Variants in BCAT2 observed in about 807,000 individuals in gnomAD.
BCAT2 encodes the protein branched chain amino acid transaminase 2.
In BCAT2, 44 loss-of-function variants were observed where a neutral mutation model predicts 52.9. The ratio of observed to expected loss-of-function variants is 0.83; its 90% CI spans 0.65 to 1.07. BCAT2 has a LOEUF of 1.07. Ranked by LOEUF, BCAT2 falls within the 50% of genes least tolerant of loss-of-function variation. The probability of loss-of-function intolerance (pLI) is 0.00; values close to 1 mark genes in which losing one functional copy is unlikely to be tolerated. For missense variants in BCAT2, 478 were observed against 521.8 expected, an observed-to-expected ratio of 0.92 and a Z score of 0.82; for synonymous variants, 215 against 217.1, an observed-to-expected ratio of 0.99 and a Z score of 0.08.
At position 48,800,279 on chromosome 19, in the gene BCAT2, C is replaced by T; in HGVS notation, c.319G>A (p.Ala107Thr). ...YSLQLFEGMK[A>T]FKGKDQQVRL... ...ACCTGCTGGTCTTTGCCTTTGAACG[C>T]CTTCATGCCCTCAAACAGCTGCGGG... is the stretch of plus-strand genomic sequence containing the variant. The change falls in exon 4 of 11, where the codon GCG (alanine) becomes ACG (threonine). Residue 107 changes from alanine (A) to threonine (T), a missense_variant. Ala to Thr is a moderately conservative substitution (Grantham distance 58, BLOSUM62 0). Coordinates refer to ENST00000316273, the MANE Select transcript of BCAT2 (RefSeq NM_001190.4). 6.2e-7 allele frequency: 1 copy of T among 1,613,694 alleles called. No homozygotes were observed. Among genetic ancestry groups the T allele is most frequent in the South Asian group, 1.1e-5 (1 of 91,088 alleles).
chr19:48,801,879 C>T (rs757599499), intron 3 of BCAT2, among the ~76,000 whole-genome samples: 25 of 151,690 alleles, frequency 1.6e-4, no homozygotes, highest in African/African-American at 4.6e-4. Flanking sequence ...TCAGGTGATG[C>T]GCCCACCTCG....
chr19:48,797,558 C>CTTTTCT (rs1041146742), intron 6 of BCAT2: 7 of 518,226 alleles, frequency 1.4e-5, no homozygotes, highest in African/African-American at 9.9e-5. Flanking sequence ...CTTTTCTTTT[C>CTTTTCT]TTTTTTTTTT....
At chr19:48,801,001 G>T (rs1047790564) in intron 3 of BCAT2, among the ~76,000 whole-genome samples, 3 of 151,654 alleles carry the variant, frequency 2.0e-5, no homozygotes, top group Non-Finnish European at 4.4e-5. Context: ...GTTTTGTTTT[G>T]TTTTGAGACA....
intron 6 of BCAT2, 118 bp from the exon 7 acceptor site, chr19:48,797,451 C>G (rs1003056718): frequency 7.9e-7 from 1 of 1,260,302 alleles, no homozygotes; most frequent in African/African-American, 1.5e-5. Flanking sequence ...TCACAGGGCT[C>G]CCCAGTTCCC....
At chr19:48,801,420 TA>T (rs1027298701) in intron 3 of BCAT2, among the ~76,000 whole-genome samples, 3 of 151,990 alleles carry the variant, frequency 2.0e-5, no homozygotes, top group African/African-American at 7.2e-5. Flanking sequence ...CTACAATACT[TA>T]AAACAGAGTG....
rs932257728 is a variant in BCAT2 at position 48,807,355 on chromosome 19, C to G, written c.25-281G>C. The stretch of plus-strand genomic sequence containing the variant: ...CACCCCAGAGACCTTTGGTCGCAGC[C>G]TGGAGATCAGCTCAGACAAGAAAAC... On this transcript the variant is annotated intron_variant, in intron 1 of 10. Coordinates refer to ENST00000316273, the MANE Select transcript of BCAT2 (RefSeq NM_001190.4). The surrounding 1 kb of genome is among the most constrained non-coding windows in gnomAD (Gnocchi z 4.6). 2 of 370,326 alleles carry G rather than the reference C, an allele frequency of 5.4e-6. No individual in the cohort carries two copies. The highest frequency in any genetic ancestry group is 4.3e-5 in the African/African-American group (2 of 46,784). The allele number at this position is 370,326 out of a possible 1,614,324, so 22.9% of individuals were successfully genotyped here.
chr19:48,799,925 G>T lies in BCAT2; in HGVS notation c.531+56C>A, dbSNP rs2034617229. 3.1e-6 allele frequency: 5 copies of T among 1,607,078 alleles called. No homozygotes were observed. Among genetic ancestry groups the T allele is most frequent in the Admixed American group, 1.7e-5 (1 of 59,238 alleles). On this transcript the variant is annotated intron_variant, in intron 5 of 10. Coordinates refer to ENST00000316273, the MANE Select transcript of BCAT2 (RefSeq NM_001190.4). The surrounding 1 kb of genome is among the most constrained non-coding windows in gnomAD (Gnocchi z 5.5). ...CCCAGGCCTCCAGGACCCCACCCCT[G>T]CCCTGCAGAATCCAACCCCCGCAGC...
chr19:48,800,013 G>C lies in BCAT2; in HGVS notation c.499C>G (p.Leu167Val). ...DWVPDAAGTS[L>V]YVRPVLIGNE... is the part of the protein sequence containing the mutation. Reference sequence around the variant, plus strand: ...CCAATGAGCACAGGCCGCACATAGAGGCTGGTGCCGGCGGCATCGGGGACC... The same window carrying C: ...CCAATGAGCACAGGCCGCACATAGACGCTGGTGCCGGCGGCATCGGGGACC... The change falls in exon 5 of 11, where the codon CTC (leucine) becomes GTC (valine). Residue 167 changes from leucine to valine, a missense_variant. By Grantham distance (32) the Leu-to-Val change is conservative. Transcript: ENST00000316273. 1.2e-6 allele frequency: 2 copies of C among 1,613,390 alleles called. No individual in the cohort carries two copies. Among genetic ancestry groups the C allele is most frequent in the African/African-American group, 2.7e-5 (2 of 75,058 alleles).
rs762703965 is a variant in BCAT2, at chr19:48,807,077, G to C, written c.25-3C>G. On this transcript the variant is annotated splice_polypyrimidine_tract_variant and splice_region_variant and intron_variant, in intron 1 of 10. Transcript: ENST00000316273. This position sits in a 1 kb window ranked among gnomAD's most constrained non-coding sequence, Gnocchi z 4.6. ...GAGAGAAGCTTTCGTGCCCAGATCT[G>C]GGTGGAGAAAGAAGTGAGAGAGGGG... 2 of 1,612,792 alleles carry C rather than the reference G, an allele frequency of 1.2e-6. No homozygotes were observed. Among genetic ancestry groups the C allele is most frequent in the Non-Finnish European group, 1.7e-6 (2 of 1,179,250 alleles).
chr19:48,795,258 C>T lies in BCAT2; in HGVS notation c.*168G>A. 1.2e-6 allele frequency: 1 copy of T among 820,008 alleles called. No individual in the cohort carries two copies. Among genetic ancestry groups the T allele is most frequent in the Non-Finnish European group, 2.0e-6 (1 of 511,218 alleles). 50.8% of individuals were successfully genotyped at this position (820,008 alleles called of 1,614,324 possible). ...CTGGGGGCCAAGATGCCTGGGTCGG[C>T]CCTTACGGCTTTGGGAGTGTCGCAA... On this transcript the variant is annotated 3_prime_UTR_variant, in exon 11 of 11. Coordinates refer to ENST00000316273, the MANE Select transcript of BCAT2 (RefSeq NM_001190.4).
At position 48,807,558 on chromosome 19, in the gene BCAT2, G is replaced by T; in HGVS notation, c.25-484C>A. On this transcript the variant is annotated intron_variant, in intron 1 of 10. Coordinates refer to ENST00000316273, the MANE Select transcript of BCAT2 (RefSeq NM_001190.4). The surrounding 1 kb of genome is among the most constrained non-coding windows in gnomAD (Gnocchi z 4.6). Reference sequence around the variant, plus strand: ...TCTAGCTGCCTCCTCCCTCAGACCCGAAGTCTGGGCCCCCAGCCCCTCCTC... The same window carrying T: ...TCTAGCTGCCTCCTCCCTCAGACCCTAAGTCTGGGCCCCCAGCCCCTCCTC... The T allele has an allele frequency of 3.4e-6, 1 of 295,374 alleles. No individual in the cohort carries two copies. The highest frequency in any genetic ancestry group is 2.3e-5 in the African/African-American group (1 of 43,880). 18.3% of individuals were successfully genotyped at this position (295,374 alleles called of 1,614,324 possible). A position where few individuals can be genotyped will look rare whatever the true frequency, so the allele number is the denominator to read the frequency against.
At position 48,796,958 on chromosome 19, in the gene BCAT2, T is replaced by G. The variant is rs2034537195; in HGVS notation, c.903A>C (p.Leu301=). The G allele has an allele frequency of 6.2e-7, 1 of 1,614,168 alleles. No individual in the cohort carries two copies. Among genetic ancestry groups the G allele is most frequent in the South Asian group, 1.1e-5 (1 of 91,088 alleles). The change falls in exon 8 of 11, where the codon CTA becomes CTC. Residue 301 remains leucine (L), a synonymous_variant. Coordinates refer to ENST00000316273, the MANE Select transcript of BCAT2 (RefSeq NM_001190.4). ...VILPGVVRQS[L]LDMAQTWGEF... is the part of the protein sequence containing the mutation. ...TCACCCAGGTCTGAGCCATGTCCAGTAGACTCTGTCTGACCACTCCAGGCA... is the reference window on the plus strand; with the variant it reads ...TCACCCAGGTCTGAGCCATGTCCAGGAGACTCTGTCTGACCACTCCAGGCA...
Position 48,795,471 on chromosome 19 carries a change from A to C in BCAT2, c.1141-7T>G, listed in dbSNP as rs781190142. 2 of 1,613,834 alleles carry C rather than the reference A, an allele frequency of 1.2e-6. No homozygotes were observed. The highest frequency in any genetic ancestry group is 3.3e-5 in the Admixed American group (2 of 59,996). Reference sequence around the variant, plus strand: ...CGTGGGCTCTGATTCCGTACTGCGGAACAACGGAGGCAGTGCGTGAGGTGG... The same window carrying C: ...CGTGGGCTCTGATTCCGTACTGCGGCACAACGGAGGCAGTGCGTGAGGTGG... On this transcript the variant is annotated splice_polypyrimidine_tract_variant and splice_region_variant and intron_variant, in intron 10 of 10. Transcript: ENST00000316273.
chr19:48,802,861 G>T (rs1227718021), intron 3 of BCAT2, among the ~76,000 whole-genome samples: 2 of 152,210 alleles, frequency 1.3e-5, no homozygotes, highest in African/African-American at 2.4e-5. Flanking sequence ...GCATGAGGCT[G>T]CAAGAAAGAT....
At position 48,799,242 on chromosome 19, in the gene BCAT2, G is replaced by A. The variant is rs992443325; in HGVS notation, c.695+433C>T. 6.3e-6 allele frequency: 1 copy of A among 158,854 alleles called. No homozygotes were observed. Among genetic ancestry groups the A allele is most frequent in the Non-Finnish European group, 1.4e-5 (1 of 72,834 alleles). 9.8% of individuals were successfully genotyped at this position (158,854 alleles called of 1,614,324 possible). A position where few individuals can be genotyped will look rare whatever the true frequency, so the allele number is the denominator to read the frequency against. ...TGCCCTGCTGAGCTGAGGCCACTGG[G>A]AGACAGATTTACACAGAAAGTCCAC... On this transcript the variant is annotated intron_variant, in intron 6 of 10. Coordinates refer to ENST00000316273, the MANE Select transcript of BCAT2 (RefSeq NM_001190.4). This position sits in a 1 kb window ranked among gnomAD's most constrained non-coding sequence, Gnocchi z 5.5.
At chr19:48,800,588 A>T (rs147034101) in intron 3 of BCAT2, among the ~76,000 whole-genome samples, 2 of 152,254 alleles carry the variant, frequency 1.3e-5, no homozygotes, top group African/African-American at 4.8e-5. Flanking sequence ...AGGCAGGAGG[A>T]TCACTTGAGT....
At chr19:48,810,788 C>A in intron 1 of BCAT2, 196 bp downstream of exon 1, 1 of 1,367,044 alleles carries the variant, frequency 7.3e-7, no homozygotes, top group South Asian at 1.7e-5. Flanking sequence ...ACCTCATCCG[C>A]GTCTACCTGC....
intron 1 of BCAT2, among the ~76,000 whole-genome samples, chr19:48,809,805 T>A (rs796211334): frequency 2.0e-5 from 3 of 151,836 alleles, no homozygotes; most frequent in African/African-American, 7.2e-5. Context: ...TCTTTTTCAA[T>A]CCCCAGGACT....
chr19:48,806,960 C>T (rs750152607), intron 2 of BCAT2, 40 bp downstream of exon 2: 22 of 1,601,892 alleles, frequency 1.4e-5, no homozygotes, highest in Non-Finnish European at 1.7e-5. Flanking sequence ...TGCCAGCCCC[C>T]TCCTCTCTCA....
Sources: allele counts gnomAD v4.1 joint callset (sites outside exome capture counted in the v4.1 genomes callset), GRCh38; gene constraint gnomAD v4.1.1; non-coding constraint Gnocchi (gnomAD v3.1); transcripts MANE v1.5; gene names NCBI Gene and HGNC (gene_info 2026-07-23, HGNC 2026-07-21).